KAZN: variants seen among roughly 807,000 people sequenced by gnomAD.
KAZN encodes the protein kazrin.
In KAZN, 40 loss-of-function variants were observed where a neutral mutation model predicts 87.4. The ratio of observed to expected loss-of-function variants is 0.46; its 90% CI spans 0.36 to 0.60. KAZN has a LOEUF of 0.60. KAZN is among the 20% of genes least tolerant of loss of function. The pLI, the probability that KAZN is intolerant of heterozygous loss-of-function variation, is 0.00. For missense variants in KAZN, 898 were observed against 1,073.9 expected (o/e 0.84, Z 2.29); for synonymous variants, 466 against 458.3 (o/e 1.02, Z -0.22).
At chr1:15,051,878 A>G (rs1211848600) in intron 4 of KAZN, among the ~76,000 whole-genome samples, 2 of 152,262 alleles carry the variant, frequency 1.3e-5, no homozygotes, top group African/African-American at 4.8e-5. Flanking sequence ...AAGGTTACAC[A>G]GCAAGTTAAG....
intron 1 of KAZN, among the ~76,000 whole-genome samples, chr1:14,122,577 C>T (rs1239362391): frequency 2.0e-5 from 3 of 152,160 alleles, no homozygotes; most frequent in Admixed American, 6.5e-5. Flanking sequence ...GATGAGCTGA[C>T]GTTCTCTATT....
chr1:15,062,041 A>T (rs1638840108), intron 6 of KAZN: 1 of 152,082 alleles, frequency 6.6e-6, no homozygotes, highest in South Asian at 2.1e-4. Flanking sequence ...CCCAGTTGAG[A>T]ATACCTTCCC....
At chr1:14,298,530 ATT>A (rs1654297390) in intron 2 of KAZN, among the ~76,000 whole-genome samples, 1 of 152,168 alleles carries the variant, frequency 6.6e-6, no homozygotes, top group Non-Finnish European at 1.5e-5. Flanking sequence ...CAAGTGTACG[ATT>A]TTAATGTTCT....
intron 1 of KAZN, among the ~76,000 whole-genome samples, chr1:14,885,237 G>A (rs891975707): frequency 8.6e-5 from 13 of 151,966 alleles, no homozygotes; most frequent in South Asian, 2.1e-4. Flanking sequence ...AAGGTGGCTC[G>A]CCCCCATCCT....
chr1:14,825,060 G>A lies in KAZN; in HGVS notation c.227-135624G>A, dbSNP rs996927490. ...CGCATCCCCCTTGCTGAAGCCGGGGGTTCACCCACAGCCTTCTCTGACTTT... is the reference window on the plus strand; with the variant it reads ...CGCATCCCCCTTGCTGAAGCCGGGGATTCACCCACAGCCTTCTCTGACTTT... On this transcript the variant is annotated intron_variant, in intron 1 of 14. Coordinates refer to ENST00000376030, the MANE Select transcript of KAZN (RefSeq NM_201628.3). Among the ~76,000 whole-genome samples, 7 of 152,256 alleles carry A rather than the reference G, an allele frequency of 4.6e-5. 1 individual carries two copies. Among genetic ancestry groups the A allele is most frequent in the African/African-American group, 1.7e-4 (7 of 41,464 alleles).
intron 1 of KAZN, among the ~76,000 whole-genome samples, chr1:14,946,652 G>A (rs1049432734): frequency 3.3e-5 from 5 of 152,168 alleles, no homozygotes; most frequent in African/African-American, 9.7e-5. Context: ...GTGTGATGGC[G>A]ACGTCTAGGA....
intron 2 of KAZN, among the ~76,000 whole-genome samples, chr1:14,379,111 GACA>G (rs1452113485): frequency 1.3e-5 from 2 of 149,862 alleles, no homozygotes; most frequent in Non-Finnish European, 3.0e-5. Flanking sequence ...TGAGCTCCCA[GACA>G]ACATTTCTAG....
intron 1 of KAZN, among the ~76,000 whole-genome samples, chr1:13,987,325 C>T (rs985753958): frequency 5.9e-5 from 9 of 152,082 alleles, no homozygotes; most frequent in Admixed American, 5.9e-4. Context: ...CCTCTTGCCC[C>T]CCTACCCCTC....
intron 1 of KAZN, among the ~76,000 whole-genome samples, chr1:14,076,166 A>C (rs1292237172): frequency 6.6e-6 from 1 of 152,044 alleles, no homozygotes; most frequent in East Asian, 2.0e-4. Flanking sequence ...CTGTAGTCCC[A>C]GCTACTCGGG....
At chr1:14,877,526 G>A (rs768321289) in intron 1 of KAZN, among the ~76,000 whole-genome samples, 12 of 152,170 alleles carry the variant, frequency 7.9e-5, no homozygotes, top group African/African-American at 1.4e-4. Flanking sequence ...TCCAAAGGTG[G>A]AGTGTGAAAT....
At chr1:14,321,158 T>C (rs561152848) in intron 2 of KAZN, among the ~76,000 whole-genome samples, 1 of 152,282 alleles carries the variant, frequency 6.6e-6, no homozygotes, top group South Asian at 2.1e-4. Flanking sequence ...TCAAGGCTCT[T>C]TGAAGTGTAT....
chr1:14,445,246 G>C (rs565949250), intron 2 of KAZN, among the ~76,000 whole-genome samples: 1 of 151,924 alleles, frequency 6.6e-6, no homozygotes, highest in Non-Finnish European at 1.5e-5. Context: ...GGCTGGTCTC[G>C]AACTCCTGAC....
At chr1:14,576,951 T>A (rs565801958) in intron 2 of KAZN, among the ~76,000 whole-genome samples, 1 of 152,366 alleles carries the variant, frequency 6.6e-6, no homozygotes, top group East Asian at 1.9e-4. Context: ...ACAGTGGGCA[T>A]AATTAATTAA....
intron 1 of KAZN, among the ~76,000 whole-genome samples, chr1:14,102,913 T>C (rs1038695269): frequency 1.7e-4 from 14 of 81,882 alleles, no homozygotes; most frequent in African/African-American, 6.6e-4. Context: ...CTAATCTCTC[T>C]CTTTTTTTTT....
Position 14,181,135 on chromosome 1 carries a change from TATC to T in KAZN, c.249+544_249+546del, listed in dbSNP as rs1306552462. On this transcript the variant is annotated intron_variant, in intron 2 of 16. Transcript: ENST00000636203. ...CTATTTTATCGAAATATTTAAAAGT[TATC>T]TACTCCTTCTGGCTTTGTTGGTGGG... Among the ~76,000 whole-genome samples, 3 of 152,222 alleles carry T rather than the reference TATC, an allele frequency of 2.0e-5. No individual in the cohort carries two copies. In the East Asian group the frequency reaches 5.8e-4, roughly 29 times the overall value.
chr1:14,573,705 C>G (rs952074589), intron 2 of KAZN, among the ~76,000 whole-genome samples: 1 of 151,950 alleles, frequency 6.6e-6, no homozygotes, highest in African/African-American at 2.4e-5. Context: ...GAGTCCAGGT[C>G]AGAACTTTAA....
intron 2 of KAZN, among the ~76,000 whole-genome samples, chr1:14,526,871 G>C (rs1671895414): frequency 6.6e-6 from 1 of 152,170 alleles, no homozygotes; most frequent in East Asian, 1.9e-4. Flanking sequence ...ATTCTCTCCT[G>C]GTGTAATTTG....
At chr1:14,545,012 G>T (rs916211576) in intron 2 of KAZN, among the ~76,000 whole-genome samples, 1 of 152,158 alleles carries the variant, frequency 6.6e-6, no homozygotes, top group African/African-American at 2.4e-5. Context: ...GTGTATGCAG[G>T]AGTGGTGTCA....
chr1:14,471,903 G>A (rs1668475063), intron 2 of KAZN, among the ~76,000 whole-genome samples: 1 of 152,178 alleles, frequency 6.6e-6, no homozygotes. Context: ...GAAGCTCTAG[G>A]ACTATGTATT....
Sources: gnomAD v4.1 joint callset for allele counts (sites outside exome capture counted in the v4.1 genomes callset) on GRCh38, gnomAD v4.1.1 for gene constraint, MANE v1.5 for transcripts, NCBI Gene and HGNC (gene_info 2026-07-23, HGNC 2026-07-21) for gene names.